FAM193A: variants seen among roughly 807,000 people sequenced by gnomAD.
FAM193A encodes the protein family with sequence similarity 193 member A, also known as protein FAM193A.
In FAM193A, 22 loss-of-function variants were observed where a neutral mutation model predicts 126.5. That is an observed-to-expected ratio of 0.17 (90% confidence interval 0.12 to 0.25). FAM193A has a LOEUF of 0.25. FAM193A is among the 10% of genes least tolerant of loss of function. FAM193A has a pLI of 1.00. For synonymous variants in FAM193A, 761 were observed against 646.8 expected, an observed-to-expected ratio of 1.18 and a Z score of -2.68; for missense variants, 1,675 against 1,672.8, an observed-to-expected ratio of 1.00 and a Z score of -0.02.
intron 1 of FAM193A, among the ~76,000 whole-genome samples, chr4:2,591,290 A>G (rs1387673463): frequency 1.3e-5 from 2 of 152,108 alleles, no homozygotes; most frequent in Non-Finnish European, 2.9e-5. Context: ...AGGAGTTTCA[A>G]GTGGGTGATT....
At chr4:2,691,151 A>T (rs1322748740) in intron 15 of FAM193A, among the ~76,000 whole-genome samples, 181 bp downstream of exon 15, 1 of 152,204 alleles carries the variant, frequency 6.6e-6, no homozygotes, top group Non-Finnish European at 1.5e-5. Flanking sequence ...TTTGATTAGA[A>T]TTTTAGCTGT....
At chr4:2,558,496 G>A (rs543113515) in intron 1 of FAM193A, among the ~76,000 whole-genome samples, 4 of 152,160 alleles carry the variant, frequency 2.6e-5, no homozygotes, top group South Asian at 4.1e-4. Flanking sequence ...ATCCTCCCAC[G>A]TCAGGCTTTC....
At position 2,716,026 on chromosome 4, in the gene FAM193A, A is replaced by T; in HGVS notation, c.4376A>T (p.Asp1459Val). The T allele has an allele frequency of 6.4e-7, 1 of 1,570,752 alleles. No homozygotes were observed. Among genetic ancestry groups the T allele is most frequent in the Non-Finnish European group, 8.8e-7 (1 of 1,140,218 alleles). The change falls in exon 20 of 21, where the codon GAT becomes GTT. Residue 1459 changes from aspartate (D) to valine (V), a missense_variant. Physicochemically the swap from Asp to Val is radical, Grantham distance 152 (BLOSUM62 -3). This residue lies in a region of FAM193A where 415 missense variants were observed against 396.7 expected (regional missense o/e 1.05). Coordinates refer to ENST00000637812, the MANE Select transcript of FAM193A (RefSeq NM_001366318.2). Reference sequence around the variant, plus strand: ...CTGCTTCTCTTTTGTTTTACAGATGATGTCTTTCTACCTAAAGATATTGAC... The same window carrying T: ...CTGCTTCTCTTTTGTTTTACAGATGTTGTCTTTCTACCTAAAGATATTGAC... ...KGDRVNNSID[D>V]VFLPKDIDLD...
chr4:2,646,763 G>A lies in FAM193A; in HGVS notation c.1242G>A (p.Glu414=), dbSNP rs1337802666. ...TLLQRYQRSE[E]ELRRVAEEWL... is the part of the protein sequence containing the mutation. ...TGCAGAGGTACCAGCGTTCCGAGGA[G>A]GAGCTGCGCAGAGTCGCCGAGGAGT... Residue 414 remains glutamate, a synonymous_variant, in exon 7 of 21, where the codon GAG becomes GAA. Coordinates refer to ENST00000637812, the MANE Select transcript of FAM193A (RefSeq NM_001366318.2). 1 of 1,614,114 alleles carries A rather than the reference G, an allele frequency of 6.2e-7. No homozygotes were observed. The highest frequency in any genetic ancestry group is 1.7e-4 in the Middle Eastern group (1 of 6,060).
In FAM193A at chr4:2,626,396, G is replaced by A. The variant is rs746808640; in HGVS notation, c.636-14G>A. ...ATTGTGGTGACTTTCTAACCTTCCT[G>A]TGTTGTCTCACAGAGAAATTTCGGC... On this transcript the variant is annotated splice_polypyrimidine_tract_variant and intron_variant, in intron 3 of 20. Coordinates refer to ENST00000637812, the MANE Select transcript of FAM193A (RefSeq NM_001366318.2). 2 of 697,768 alleles carry A rather than the reference G, an allele frequency of 2.9e-6. No homozygotes were observed. Among genetic ancestry groups the A allele is most frequent in the South Asian group, 3.0e-5 (2 of 67,488 alleles). The allele number at this position is 697,768 out of a possible 1,614,324, so 43.2% of individuals were successfully genotyped here.
intron 1 of FAM193A, among the ~76,000 whole-genome samples, chr4:2,585,246 A>T (rs1255297998): frequency 6.6e-6 from 1 of 152,220 alleles, no homozygotes; most frequent in Non-Finnish European, 1.5e-5. Context: ...AGATATCCAG[A>T]AAAGGAATTA....
intron 13 of FAM193A, among the ~76,000 whole-genome samples, chr4:2,683,239 T>A (rs1291566116): frequency 6.6e-6 from 1 of 152,152 alleles, no homozygotes; most frequent in Non-Finnish European, 1.5e-5. Flanking sequence ...TCCCTGTTCT[T>A]CTGTAGGTCC....
chr4:2,563,764 T>A (rs1485117766), intron 1 of FAM193A, among the ~76,000 whole-genome samples: 2 of 152,356 alleles, frequency 1.3e-5, no homozygotes, highest in Non-Finnish European at 2.9e-5. Context: ...ACATCCACTT[T>A]TATTAATGAC....
intron 1 of FAM193A, among the ~76,000 whole-genome samples, chr4:2,553,987 T>G (rs1026458592): frequency 6.6e-6 from 1 of 152,090 alleles, no homozygotes; most frequent in African/African-American, 2.4e-5. Context: ...TGGAACTCTT[T>G]TTAAACTTTT....
rs552400350 is a variant in FAM193A, at chr4:2,640,522, C to A, written c.1163+663C>A. ...CCTGATGTGACGTTACTCAGCAGAA[C>A]GCTGTTCCCTGCACTGAGTCATGCA... is the stretch of plus-strand genomic sequence containing the variant. On this transcript the variant is annotated intron_variant, in intron 6 of 20. Transcript: ENST00000637812. 3.9e-5 allele frequency among the ~76,000 whole-genome samples: 6 copies of A among 152,292 alleles called. No homozygotes were observed. The East Asian group carries it at 9.6e-4, about 24-fold the overall frequency.
intron 2 of FAM193A, among the ~76,000 whole-genome samples, chr4:2,599,066 A>T (rs895284548): frequency 7.2e-5 from 11 of 152,138 alleles, no homozygotes; most frequent in African/African-American, 2.7e-4. Context: ...GGAGAAAGGC[A>T]TGTTTCCTTC....
At chr4:2,702,992 C>A (rs182131481) in intron 19 of FAM193A, among the ~76,000 whole-genome samples, 2 of 152,010 alleles carry the variant, frequency 1.3e-5, no homozygotes, top group Non-Finnish European at 2.9e-5. Flanking sequence ...CTGTTCCCAC[C>A]CACTCCCTGT....
intron 1 of FAM193A, among the ~76,000 whole-genome samples, chr4:2,566,295 C>T (rs1738945525): frequency 6.6e-6 from 1 of 152,198 alleles, no homozygotes; most frequent in African/African-American, 2.4e-5. Flanking sequence ...GATCTGCCCA[C>T]CTTGGCCTCC....
At position 2,699,648 on chromosome 4, in the gene FAM193A, A is replaced by AG. The variant is rs542204452; in HGVS notation, c.3508-31dup. 1,781 of 1,564,554 alleles carry AG rather than the reference A, an allele frequency of 1.1e-3. 16 individuals carry two copies. In the African/African-American group the frequency reaches 0.021, roughly 19 times the overall value. On this transcript the variant is annotated intron_variant, in intron 18 of 20. Transcript: ENST00000637812. ...TGACTTAATTTTTAGCACTCACTGTAGTCTTAAATTGCCTTCTTTTTGCAT... is the reference window on the plus strand; with the variant it reads ...TGACTTAATTTTTAGCACTCACTGTAGGTCTTAAATTGCCTTCTTTTTGCAT...
chr4:2,644,429 G>GAGCA (rs889079070), intron 6 of FAM193A, among the ~76,000 whole-genome samples: 1 of 152,180 alleles, frequency 6.6e-6, no homozygotes, highest in Non-Finnish European at 1.5e-5. Flanking sequence ...AGTCACGGAA[G>GAGCA]AGCAAGGCTG....
intron 6 of FAM193A, among the ~76,000 whole-genome samples, chr4:2,643,257 C>T (rs866670707): frequency 6.6e-6 from 1 of 152,152 alleles, no homozygotes; most frequent in Non-Finnish European, 1.5e-5. Flanking sequence ...TGCTAATGTA[C>T]AGATACGCAT....
At chr4:2,577,436 T>TTTTTTTTTTTTTTTA (rs1739663592) in intron 1 of FAM193A, among the ~76,000 whole-genome samples, 1 of 148,828 alleles carries the variant, frequency 6.7e-6, no homozygotes. Flanking sequence ...TTTTTTTTTT[T>TTTTTTTTTTTTTTTA]GAGACAGAGT....
intron 19 of FAM193A, among the ~76,000 whole-genome samples, chr4:2,710,363 T>C (rs1300230317): frequency 6.6e-6 from 1 of 151,874 alleles, no homozygotes; most frequent in Non-Finnish European, 1.5e-5. Flanking sequence ...TTAGTAGAGA[T>C]GGGGTTTCAC....
chr4:2,540,972 CAAA>C (rs369952404), intron 1 of FAM193A, among the ~76,000 whole-genome samples: 11 of 86,744 alleles, frequency 1.3e-4, no homozygotes, highest in Non-Finnish European at 1.5e-4. Context: ...AAATCCGTCT[CAAA>C]AAAAAAAAAA....
Sources: allele counts gnomAD v4.1 joint callset (sites outside exome capture counted in the v4.1 genomes callset), GRCh38; gene constraint gnomAD v4.1.1; regional missense constraint gnomAD v4.1.1; transcripts MANE v1.5; gene names NCBI Gene and HGNC (gene_info 2026-07-23, HGNC 2026-07-21).